Variants in DNAH1 observed in about 807,000 individuals in gnomAD.
The protein encoded by DNAH1 is dynein axonemal heavy chain 1.
Under a neutral mutation model 484.3 loss-of-function variants are expected in DNAH1, and 327 were observed. The observed-to-expected ratio is 0.68, with a 90% confidence interval of 0.62 to 0.74. DNAH1 has a LOEUF of 0.74. Among genes scored for constraint, DNAH1 ranks in the 30% least tolerant of loss-of-function variants. DNAH1 has a pLI of 0.00. For missense variants in DNAH1, 5,052 were observed against 5,546.8 expected, an observed-to-expected ratio of 0.91 and a Z score of 2.83; for synonymous variants, 2,192 against 2,191.9, an observed-to-expected ratio of 1.00 and a Z score of 0.00.
chr3:52,394,135 G>A (rs915378006), intron 66 of DNAH1, among the ~76,000 whole-genome samples: 2 of 152,252 alleles, frequency 1.3e-5, no homozygotes, highest in South Asian at 2.1e-4. Flanking sequence ...AAGCCCTGCC[G>A]AGACAGTGAG....
At chr3:52,346,812 A>G in intron 11 of DNAH1, 42 bp downstream of exon 11, 1 of 1,563,512 alleles carries the variant, frequency 6.4e-7, no homozygotes, top group Non-Finnish European at 8.7e-7. Context: ...ACACCAGGTG[A>G]TGTGTCACCT....
Position 52,394,913 on chromosome 3 carries a change from A to G in DNAH1, c.10824-2A>G. 6.2e-7 allele frequency: 1 copy of G among 1,613,218 alleles called. No individual in the cohort carries two copies. Among genetic ancestry groups the G allele is most frequent in the East Asian group, 2.2e-5 (1 of 44,868 alleles). On this transcript the variant is annotated splice_acceptor_variant, in intron 67 of 77. Transcript: ENST00000420323. LOFTEE classifies it high-confidence loss of function. ...TCAGGGAGGTGTGGGCCACTGTTGC[A>G]GGGAGCCTTTGCCTGGCATCTGGGA...
chr3:52,344,812 C>T (rs1702080346), intron 9 of DNAH1, among the ~76,000 whole-genome samples, 165 bp downstream of exon 9: 1 of 152,252 alleles, frequency 6.6e-6, no homozygotes, highest in South Asian at 2.1e-4. Context: ...TCCCTGCTGC[C>T]TGGAGGGCTC....
chr3:52,364,570 A>G lies in DNAH1; in HGVS notation c.5245-68A>G. The G allele has an allele frequency of 1.3e-6, 2 of 1,568,782 alleles. No individual in the cohort carries two copies. The highest frequency in any genetic ancestry group is 2.2e-5 in the South Asian group (2 of 90,126). On this transcript the variant is annotated intron_variant, in intron 32 of 77. Coordinates refer to ENST00000420323, the MANE Select transcript of DNAH1 (RefSeq NM_015512.5). This position sits in a 1 kb window ranked among gnomAD's most constrained non-coding sequence, Gnocchi z 4.2. Reference sequence around the variant, plus strand: ...CTTGGCCAACTGCCAGGTGGGAGGCAGAGTGTTCCAGGCAGAAGCCTTGGA... The same window carrying G: ...CTTGGCCAACTGCCAGGTGGGAGGCGGAGTGTTCCAGGCAGAAGCCTTGGA...
At chr3:52,392,012 G>A (rs868157309) in intron 63 of DNAH1, among the ~76,000 whole-genome samples, 5 of 152,278 alleles carry the variant, frequency 3.3e-5, no homozygotes, top group Middle Eastern at 3.4e-3. Flanking sequence ...TTGCTGCCAC[G>A]AGCCTGGGCA....
Position 52,398,168 on chromosome 3 carries a change from C to A in DNAH1, c.12089+6C>A. ...CTAGTACAAGAGGTCATTAGGTAAT[C>A]ACCCCGCCATACCCCTGCCCCGAGT... On this transcript the variant is annotated splice_donor_region_variant and intron_variant, in intron 75 of 77. Coordinates refer to ENST00000420323, the MANE Select transcript of DNAH1 (RefSeq NM_015512.5). 5 of 1,568,266 alleles carry A rather than the reference C, an allele frequency of 3.2e-6. No individual in the cohort carries two copies. The highest frequency in any genetic ancestry group is 4.3e-6 in the Non-Finnish European group (5 of 1,159,860).
Position 52,368,141 on chromosome 3 carries a change from G to A in DNAH1, c.5766-600G>A, listed in dbSNP as rs1366506527. 1.3e-5 allele frequency among the ~76,000 whole-genome samples: 2 copies of A among 152,226 alleles called. No individual in the cohort carries two copies. Among genetic ancestry groups the A allele is most frequent in the Non-Finnish European group, 2.9e-5 (2 of 68,040 alleles). ...GCCTCAGCGTAACCAGACATTGCCT[G>A]GGGGTGGTGCAGGGAAGGAGCCTCA... On this transcript the variant is annotated intron_variant, in intron 36 of 77. Coordinates refer to ENST00000420323, the MANE Select transcript of DNAH1 (RefSeq NM_015512.5). This position sits in a 1 kb window ranked among gnomAD's most constrained non-coding sequence, Gnocchi z 4.4.
Position 52,352,066 on chromosome 3 carries a change from A to G in DNAH1, c.2834A>G (p.Asp945Gly). 1 of 1,586,948 alleles carries G rather than the reference A, an allele frequency of 6.3e-7. No individual in the cohort carries two copies. The highest frequency in any genetic ancestry group is 8.6e-7 in the Non-Finnish European group (1 of 1,166,768). The stretch of plus-strand genomic sequence containing the variant: ...AAGTTCCGCAAAATCCAGATCATGG[A>G]TCAGAACAACTTCCAAGAGAAGCTG... ...EEKFRKIQIM[D>G]QNNFQEKLEG... Residue 945 changes from aspartate (D) to glycine (G), a missense_variant, in exon 17 of 78, where the codon GAT becomes GGT. By Grantham distance (94) the Asp-to-Gly change is moderately conservative. Around this residue, in one of 4 missense-constraint regions of DNAH1, gnomAD observed 1,263 missense variants for 1,218.8 expected, o/e 1.04. Coordinates refer to ENST00000420323, the MANE Select transcript of DNAH1 (RefSeq NM_015512.5).
chr3:52,350,194 G>A (rs1356058173), intron 15 of DNAH1, 86 bp downstream of exon 15: 2 of 1,547,036 alleles, frequency 1.3e-6, no homozygotes, highest in Admixed American at 1.9e-5. Context: ...GGGGCTGGGA[G>A]GTCGGACTCA....
Position 52,388,595 on chromosome 3 carries a change from G to T in DNAH1, c.9349G>T (p.Gly3117Cys), listed in dbSNP as rs1704218774. 3 of 1,611,974 alleles carry T rather than the reference G, an allele frequency of 1.9e-6. No homozygotes were observed. In the East Asian group the frequency reaches 6.7e-5, roughly 36 times the overall value. The change falls in exon 58 of 78, where the codon GGC (glycine) becomes TGC (cysteine). Residue 3117 changes from glycine to cysteine, a missense_variant. Around this residue, in one of 4 missense-constraint regions of DNAH1, gnomAD observed 2,929 missense variants for 3,409.4 expected, o/e 0.86. Coordinates refer to ENST00000420323, the MANE Select transcript of DNAH1 (RefSeq NM_015512.5). ...LKCEQCEQRL[G>C]RAGKLINGLS... The stretch of plus-strand genomic sequence containing the variant: ...GTGTGAGCAGTGTGAGCAGCGGCTG[G>T]GCCGAGCTGGCAAGGTGCGCACCCT...
Position 52,365,791 on chromosome 3 carries a change from A to G in DNAH1, c.5519-666A>G, listed in dbSNP as rs140205221. ...CCCAGGTGCCCTCCATTGTGCTTCA[A>G]TTCCATGTGCAGCTCGAATGCTTCC... On this transcript the variant is annotated intron_variant, in intron 34 of 77. Coordinates refer to ENST00000420323, the MANE Select transcript of DNAH1 (RefSeq NM_015512.5). Among the ~76,000 whole-genome samples the G allele has an allele frequency of 2.5e-3, 383 of 152,212 alleles. 1 individual carries two copies. Among genetic ancestry groups the G allele is most frequent in the South Asian group, 0.012 (58 of 4,814 alleles).
At position 52,395,790 on chromosome 3, in the gene DNAH1, G is replaced by A. The variant is rs1415848851; in HGVS notation, c.11259+112G>A. 2.1e-5 allele frequency: 31 copies of A among 1,448,744 alleles called. No homozygotes were observed. The highest frequency in any genetic ancestry group is 1.2e-4 in the East Asian group (5 of 40,074). 89.7% of individuals were successfully genotyped at this position (1,448,744 alleles called of 1,614,324 possible). A position where few individuals can be genotyped will look rare whatever the true frequency, so the allele number is the denominator to read the frequency against. On this transcript the variant is annotated intron_variant, in intron 70 of 77. Coordinates refer to ENST00000420323, the MANE Select transcript of DNAH1 (RefSeq NM_015512.5). The surrounding 1 kb of genome is among the most constrained non-coding windows in gnomAD (Gnocchi z 4.4). Reference sequence around the variant, plus strand: ...AAGCACTCTGCCCAGCCTCTAGCACGTGGCAAGTGCTCAGCAACTGACATG... The same window carrying A: ...AAGCACTCTGCCCAGCCTCTAGCACATGGCAAGTGCTCAGCAACTGACATG...
intron 8 of DNAH1, among the ~76,000 whole-genome samples, chr3:52,335,735 A>C (rs1277397815): frequency 6.6e-6 from 1 of 151,002 alleles, no homozygotes; most frequent in African/African-American, 2.4e-5. Flanking sequence ...CCTGGGTTCA[A>C]GTGATTCTCC....
chr3:52,346,466 C>T lies in DNAH1; in HGVS notation c.1657-6C>T, dbSNP rs753683276. 10 of 1,605,002 alleles carry T rather than the reference C, an allele frequency of 6.2e-6. No homozygotes were observed. The African/African-American group carries it at 1.2e-4, about 19-fold the overall frequency. On this transcript the variant is annotated splice_region_variant and splice_polypyrimidine_tract_variant and intron_variant, in intron 10 of 77. Transcript: ENST00000420323. ...GGCCATATGATGATGCCTGTGGCCA[C>T]TCTAGGTGCAGATGTTCCTCAAGGA...
chr3:52,370,244 GT>G lies in DNAH1; in HGVS notation c.6258+16del, dbSNP rs751583173. ...TGCCTAGAGAGGTACAGCCCTGAGA[GT>G]GGGGCTAGATGCACCTGGTCCCTCT... On this transcript the variant is annotated intron_variant, in intron 39 of 77. Coordinates refer to ENST00000420323, the MANE Select transcript of DNAH1 (RefSeq NM_015512.5). 1 of 1,612,484 alleles carries G rather than the reference GT, an allele frequency of 6.2e-7. No homozygotes were observed. The highest frequency in any genetic ancestry group is 1.7e-5 in the Admixed American group (1 of 59,770).
chr3:52,392,546 A>G lies in DNAH1; in HGVS notation c.10135A>G (p.Ser3379Gly), dbSNP rs745606669. ...GGAGGCCAAGAACCAGCTGATTATC[A>G]GTAATGCCAAGATGCGCCAGGAGCT... The part of the protein sequence containing the change: ...LEEAKNQLII[S>G]NAKMRQELKD... The change falls in exon 64 of 78, where the codon AGT (serine) becomes GGT (glycine). Residue 3379 changes from serine (S) to glycine (G), a missense_variant. Ser to Gly is a moderately conservative substitution (Grantham distance 56). This residue lies in a region of DNAH1 where 2,929 missense variants were observed against 3,409.4 expected (regional missense o/e 0.86). Transcript: ENST00000420323. 8 of 1,613,862 alleles carry G rather than the reference A, an allele frequency of 5.0e-6. No homozygotes were observed. Among genetic ancestry groups the G allele is most frequent in the East Asian group, 4.5e-5 (2 of 44,892 alleles).
At chr3:52,351,276 C>G (rs185702348) in intron 16 of DNAH1, among the ~76,000 whole-genome samples, 159 of 152,312 alleles carry the variant, frequency 1.0e-3, no homozygotes, top group Middle Eastern at 3.4e-3. Flanking sequence ...GGCATTTGTC[C>G]CCACCCAAGT....
chr3:52,337,512 C>A (rs1447699108), intron 8 of DNAH1, among the ~76,000 whole-genome samples: 2 of 152,158 alleles, frequency 1.3e-5, no homozygotes, highest in African/African-American at 2.4e-5. Flanking sequence ...AAATTTAAAA[C>A]CTTTTTCTTG....
rs181131371 is a variant in DNAH1 at position 52,359,811 on chromosome 3, C to G, written c.4408-105C>G. 9.1e-3 allele frequency: 13,386 copies of G among 1,467,430 alleles called. 87 individuals carry two copies. The highest frequency in any genetic ancestry group is 0.011 in the Non-Finnish European group (12,191 of 1,069,688). The allele number at this position is 1,467,430 out of a possible 1,614,324, so 90.9% of individuals were successfully genotyped here. On this transcript the variant is annotated intron_variant, in intron 26 of 77. Transcript: ENST00000420323. Reference sequence around the variant, plus strand: ...TCCCAACTCAGACCATCAGAGACCCCCAGGATAGAGGGACTGTTTGTGGCA... The same window carrying G: ...TCCCAACTCAGACCATCAGAGACCCGCAGGATAGAGGGACTGTTTGTGGCA...
Sources: gnomAD v4.1 joint callset for allele counts (sites outside exome capture counted in the v4.1 genomes callset) on GRCh38, gnomAD v4.1.1 for gene constraint, gnomAD v4.1.1 regional missense constraint, Gnocchi (gnomAD v3.1) non-coding constraint, MANE v1.5 for transcripts, NCBI Gene and HGNC (gene_info 2026-07-23, HGNC 2026-07-21) for gene names.